Variants in SLCO3A1 observed in about 807,000 individuals in gnomAD.
SLCO3A1 encodes the protein PGE1 transporter.
SLCO3A1 carries 27 observed loss-of-function variants against 63.1 expected under a neutral mutation model. That is an observed-to-expected ratio of 0.43 (90% confidence interval 0.32 to 0.59). The LOEUF (loss-of-function observed/expected upper bound fraction) is 0.59. Ranked by LOEUF, SLCO3A1 falls within the 20% of genes least tolerant of loss-of-function variation. SLCO3A1 has a pLI of 0.09. For missense variants in SLCO3A1, 773 were observed against 945.8 expected, an observed-to-expected ratio of 0.82 and a Z score of 2.40; for synonymous variants, 473 against 409.9, an observed-to-expected ratio of 1.15 and a Z score of -1.86.
At chr15:91,959,312 A>G (rs1261941485) in intron 2 of SLCO3A1, among the ~76,000 whole-genome samples, 1 of 152,126 alleles carries the variant, frequency 6.6e-6, no homozygotes, top group Non-Finnish European at 1.5e-5. Context: ...ATAAAAGACA[A>G]CATATTGGTA....
intron 7 of SLCO3A1, among the ~76,000 whole-genome samples, chr15:92,143,117 T>C (rs2048157085): frequency 6.6e-6 from 1 of 150,526 alleles, no homozygotes; most frequent in Non-Finnish European, 1.5e-5. Flanking sequence ...ATTGAGGGAT[T>C]CCTGGGGTAC....
chr15:91,936,086 G>C (rs971129323), intron 2 of SLCO3A1, among the ~76,000 whole-genome samples: 1 of 152,186 alleles, frequency 6.6e-6, no homozygotes, highest in Admixed American at 6.5e-5. Flanking sequence ...GACTAGCTCT[G>C]TAGCTTAGCT....
chr15:92,040,217 TAAAAA>T (rs1359917397), intron 2 of SLCO3A1, among the ~76,000 whole-genome samples: 1 of 152,024 alleles, frequency 6.6e-6, no homozygotes, highest in African/African-American at 2.4e-5. Context: ...AGTAAAAAAT[TAAAAA>T]AATAAAGGGC....
chr15:92,114,047 T>TG (rs1351248397), intron 4 of SLCO3A1, among the ~76,000 whole-genome samples: 22 of 152,218 alleles, frequency 1.4e-4, no homozygotes, highest in Middle Eastern at 6.8e-3. Flanking sequence ...CCAGAAGCAA[T>TG]GGGGGCGTTC....
intron 2 of SLCO3A1, among the ~76,000 whole-genome samples, chr15:91,989,795 A>T (rs769368545): frequency 1.3e-5 from 2 of 152,256 alleles, no homozygotes; most frequent in African/African-American, 4.8e-5. Context: ...AGCATCTGTC[A>T]TCTCCATTAT....
At chr15:91,914,507 C>T (rs1451920226) in intron 1 of SLCO3A1, among the ~76,000 whole-genome samples, 2 of 151,720 alleles carry the variant, frequency 1.3e-5, no homozygotes, top group Non-Finnish European at 2.9e-5. Context: ...AAATTCACCC[C>T]TGTGGCATTT....
intron 2 of SLCO3A1, among the ~76,000 whole-genome samples, chr15:91,990,129 G>A (rs1354414938): frequency 2.0e-5 from 3 of 152,214 alleles, no homozygotes; most frequent in Admixed American, 6.5e-5. Context: ...TAAGATGAGG[G>A]AAATGGGCAG....
In SLCO3A1 at chr15:92,150,955, T is replaced by G; in HGVS notation, c.1694T>G (p.Val565Gly). 1 of 1,611,232 alleles carries G rather than the reference T, an allele frequency of 6.2e-7. No individual in the cohort carries two copies. The highest frequency in any genetic ancestry group is 8.5e-7 in the Non-Finnish European group (1 of 1,178,956). Reference protein sequence around the residue: ...TPSVIILIRTVSPELKSYALG... With the variant: ...TPSVIILIRTGSPELKSYALG... Reference sequence around the variant, plus strand: ...CTTCATCTCTTTGCACGTAGGACAGTCAGCCCTGAACTCAAGTCTTACGCT... The same window carrying G: ...CTTCATCTCTTTGCACGTAGGACAGGCAGCCCTGAACTCAAGTCTTACGCT... Residue 565 changes from valine (V) to glycine (G), a missense_variant, in exon 9 of 10, where the codon GTC (valine) becomes GGC (glycine). Val to Gly is a moderately radical substitution (Grantham distance 109). Coordinates refer to ENST00000318445, the MANE Select transcript of SLCO3A1 (RefSeq NM_013272.4).
intron 2 of SLCO3A1, among the ~76,000 whole-genome samples, chr15:91,963,387 G>A (rs975183939): frequency 2.8e-5 from 3 of 107,960 alleles, no homozygotes; most frequent in African/African-American, 1.0e-4. Flanking sequence ...TCTCTCTCGT[G>A]AGGGTTTAAC....
chr15:92,160,209 T>A (rs2048419433), intron 9 of SLCO3A1, among the ~76,000 whole-genome samples: 1 of 152,194 alleles, frequency 6.6e-6, no homozygotes, highest in South Asian at 2.1e-4. Flanking sequence ...TGAATGGATT[T>A]GCTTTGCCCT....
At chr15:91,997,732 C>A (rs1480636833) in intron 2 of SLCO3A1, among the ~76,000 whole-genome samples, 6 of 152,308 alleles carry the variant, frequency 3.9e-5, no homozygotes, top group African/African-American at 9.6e-5. Flanking sequence ...TGATCTTCAA[C>A]AAAGTTGACA....
At chr15:91,907,083 G>A (rs1367718946) in intron 1 of SLCO3A1, among the ~76,000 whole-genome samples, 1 of 152,156 alleles carries the variant, frequency 6.6e-6, no homozygotes, top group Non-Finnish European at 1.5e-5. Context: ...AGGGAGATGA[G>A]AGAAACTAAG....
At position 92,069,557 on chromosome 15, in the gene SLCO3A1, G is replaced by T. The variant is rs1271822535; in HGVS notation, c.647-25324G>T. 2.6e-5 allele frequency among the ~76,000 whole-genome samples: 4 copies of T among 152,302 alleles called. No homozygotes were observed. The East Asian group carries it at 7.7e-4, about 29-fold the overall frequency. ...ACTCCAGGTGACCTAAACCTGGCTT[G>T]TGTGATCCAGTCCTGCCTCTTGCTT... is the stretch of plus-strand genomic sequence containing the variant. On this transcript the variant is annotated intron_variant, in intron 2 of 9. Coordinates refer to ENST00000318445, the MANE Select transcript of SLCO3A1 (RefSeq NM_013272.4).
At chr15:92,035,659 C>T (rs927767769) in intron 2 of SLCO3A1, among the ~76,000 whole-genome samples, 3 of 151,728 alleles carry the variant, frequency 2.0e-5, no homozygotes, top group Non-Finnish European at 4.4e-5. Flanking sequence ...GCTTTTAACA[C>T]CCGTGGAGCC....
In SLCO3A1 at chr15:92,033,860, T is replaced by G. The variant is rs546107319; in HGVS notation, c.647-61021T>G. On this transcript the variant is annotated intron_variant, in intron 2 of 9. Transcript: ENST00000318445. This position sits in a 1 kb window ranked among gnomAD's most constrained non-coding sequence, Gnocchi z 4.5. ...CGGGAGGTTATCTGGAGGAAAAACA[T>G]TCCAGACAGACCAGTGAGGGCTGAG... 6.6e-6 allele frequency among the ~76,000 whole-genome samples: 1 copy of G among 151,986 alleles called. No homozygotes were observed. The highest frequency in any genetic ancestry group is 2.4e-5 in the African/African-American group (1 of 41,376).
intron 2 of SLCO3A1, among the ~76,000 whole-genome samples, chr15:91,980,981 C>T (rs1414824007): frequency 8.5e-5 from 13 of 152,194 alleles, no homozygotes; most frequent in Admixed American, 5.9e-4. Context: ...AAATTACTGG[C>T]AGCTGTGCTT....
intron 1 of SLCO3A1, among the ~76,000 whole-genome samples, chr15:91,866,568 CTT>C (rs201803530): frequency 7.0e-6 from 1 of 142,196 alleles, no homozygotes; most frequent in African/African-American, 2.7e-5. Context: ...GCACAGGCTC[CTT>C]TTTTTAAAAA....
At chr15:92,066,948 T>C (rs2047159195) in intron 2 of SLCO3A1, among the ~76,000 whole-genome samples, 1 of 152,212 alleles carries the variant, frequency 6.6e-6, no homozygotes, top group African/African-American at 2.4e-5. Context: ...GACAGGCCTA[T>C]GGAGGAGCGT....
chr15:92,032,059 G>A (rs528160029), intron 2 of SLCO3A1, among the ~76,000 whole-genome samples: 3 of 152,282 alleles, frequency 2.0e-5, no homozygotes, highest in Admixed American at 6.5e-5. Flanking sequence ...CATGGTTGTC[G>A]TTGTTGGTAG....
Sources: gnomAD v4.1 joint callset for allele counts (sites outside exome capture counted in the v4.1 genomes callset) on GRCh38, gnomAD v4.1.1 for gene constraint, Gnocchi (gnomAD v3.1) non-coding constraint, MANE v1.5 for transcripts, NCBI Gene and HGNC (gene_info 2026-07-23, HGNC 2026-07-21) for gene names.